IFITM10: variants seen among roughly 807,000 people sequenced by gnomAD.
IFITM10 encodes interferon-induced transmembrane protein 10.
A neutral mutation model predicts 19.0 loss-of-function variants in IFITM10; 17 were observed. The observed-to-expected ratio is 0.90, with a 90% CI of 0.61 to 1.34. IFITM10 has a LOEUF of 1.34. Among genes scored for constraint, IFITM10 ranks in the 40% most tolerant of loss-of-function variants. The pLI, the probability that IFITM10 is intolerant of heterozygous loss-of-function variation, is 0.00. For missense variants in IFITM10, 306 were observed against 319.8 expected, an observed-to-expected ratio of 0.96 and a Z score of 0.33; for synonymous variants, 148 against 147.2, an observed-to-expected ratio of 1.01 and a Z score of -0.04.
At chr11:1,748,203 C>G (rs539920406) in intron 1 of IFITM10, 84 bp from the exon 2 acceptor site, 1 of 1,032,210 alleles carries the variant, frequency 9.7e-7, no homozygotes, top group South Asian at 4.0e-5. Flanking sequence ...GAGAACAGCC[C>G]CAGTGGAGAC....
rs1014184496 is a variant in IFITM10, at chr11:1,734,557, A to C, written c.*723T>G. ...ATGCAGGCAGCTGAGGCTGTGCCCC[A>C]CCCCCTTCCGTCCCCCCAGGAGGCT... On this transcript the variant is annotated 3_prime_UTR_variant, in exon 3 of 3. Coordinates refer to ENST00000340134, the MANE Select transcript of IFITM10 (RefSeq NM_001170820.4). 3 of 150,676 alleles carry C rather than the reference A, an allele frequency of 2.0e-5. No individual in the cohort carries two copies. Among genetic ancestry groups the C allele is most frequent in the African/African-American group, 4.9e-5 (2 of 40,696 alleles). 9.3% of individuals were successfully genotyped at this position (150,676 alleles called of 1,614,324 possible). A position where few individuals can be genotyped will look rare whatever the true frequency, so the allele number is the denominator to read the frequency against.
In IFITM10 at chr11:1,747,847, G is replaced by A. The variant is rs1456232955; in HGVS notation, c.357C>T (p.Ala119=). The A allele has an allele frequency of 2.6e-6, 4 of 1,544,210 alleles. No individual in the cohort carries two copies. The highest frequency in any genetic ancestry group is 2.0e-5 in the Admixed American group (1 of 50,532). Residue 119 remains alanine, a synonymous_variant, in exon 2 of 3, where the codon GCC becomes GCT. Coordinates refer to ENST00000340134, the MANE Select transcript of IFITM10 (RefSeq NM_001170820.4). ...GGTGCTTGCAGGCAGGGGGCGCGCC[G>A]GCAGCCCGCACGCTGTCGGTCTTGC... ...KSSKTDSVRA[A]GAPPACKHLA...
At chr11:1,748,380 C>G (rs1047442881) in intron 1 of IFITM10, 98 of 396,296 alleles carry the variant, frequency 2.5e-4, no homozygotes, top group Non-Finnish European at 4.0e-4. Flanking sequence ...CCCACTGACA[C>G]ACACAACAGC....
In IFITM10 at chr11:1,747,875, C is replaced by T; in HGVS notation, c.329G>A (p.Ser110Asn). ...AGCCCGCACGCTGTCGGTCTTGCTG[C>T]TCTTGGACTCCATGGGGAACAGTGT... ...APTLFPMESK[S>N]SKTDSVRAAG... The change falls in exon 2 of 3, where the codon AGC (serine) becomes AAC (asparagine). Residue 110 changes from serine (S) to asparagine (N), a missense_variant. Physicochemically the swap from Ser to Asn is conservative, Grantham distance 46 (BLOSUM62 1). Transcript: ENST00000340134. The T allele has an allele frequency of 6.5e-7, 1 of 1,532,908 alleles. No individual in the cohort carries two copies. Among genetic ancestry groups the T allele is most frequent in the South Asian group, 1.2e-5 (1 of 80,356 alleles). 95.0% of individuals were successfully genotyped at this position (1,532,908 alleles called of 1,614,324 possible). A position where few individuals can be genotyped will look rare whatever the true frequency, so the allele number is the denominator to read the frequency against.
At chr11:1,750,214 G>A (rs962204089) in intron 1 of IFITM10, 145 bp downstream of exon 1, 7 of 1,427,198 alleles carry the variant, frequency 4.9e-6, no homozygotes, top group Middle Eastern at 1.9e-4. Context: ...TCACTCTCAC[G>A]GTATGCTTGA....
intron 1 of IFITM10, chr11:1,749,061 G>A: frequency 8.8e-7 from 1 of 1,141,940 alleles, no homozygotes; most frequent in South Asian, 1.7e-5. Flanking sequence ...GAGCCTCGGT[G>A]CGCGCGTCCT....
intron 2 of IFITM10, among the ~76,000 whole-genome samples, chr11:1,741,796 A>T (rs1398050980): frequency 1.3e-5 from 2 of 152,194 alleles, no homozygotes; most frequent in Non-Finnish European, 2.9e-5. Flanking sequence ...AAATTCCTGT[A>T]TGGAAATCCT....
chr11:1,744,479 G>A (rs1031901277), intron 2 of IFITM10: 1 of 152,922 alleles, frequency 6.5e-6, no homozygotes, highest in Non-Finnish European at 1.5e-5. Context: ...AGCTGACCGC[G>A]GGAGCCAGTG....
intron 2 of IFITM10, chr11:1,744,436 T>A (rs775630528): frequency 1.3e-5 from 2 of 152,698 alleles, no homozygotes; most frequent in Non-Finnish European, 2.9e-5. Context: ...AAAGGCAGCT[T>A]GGATGCTGAG....
intron 2 of IFITM10, among the ~76,000 whole-genome samples, chr11:1,740,066 C>T (rs1228032339): frequency 1.3e-5 from 2 of 152,052 alleles, no homozygotes; most frequent in East Asian, 1.9e-4. Flanking sequence ...CTTTGGGAGG[C>T]CAAGGCAGGC....
chr11:1,746,621 T>C lies in IFITM10; in HGVS notation c.537+1046A>G, dbSNP rs189926434. On this transcript the variant is annotated intron_variant, in intron 2 of 2. Coordinates refer to ENST00000340134, the MANE Select transcript of IFITM10 (RefSeq NM_001170820.4). The stretch of plus-strand genomic sequence containing the variant: ...AGGGGAACGCCGACCGCAGTTGCGA[T>C]GCCGGGCGGGGTGGGGCTCGAGCTC... 379 of 398,644 alleles carry C rather than the reference T, an allele frequency of 9.5e-4. 1 individual carries two copies. The highest frequency in any genetic ancestry group is 8.8e-3 in the Middle Eastern group (14 of 1,588). 24.7% of individuals were successfully genotyped at this position (398,644 alleles called of 1,614,324 possible). A position where few individuals can be genotyped will look rare whatever the true frequency, so the allele number is the denominator to read the frequency against.
At position 1,734,574 on chromosome 11, in the gene IFITM10, C is replaced by G. The variant is rs1374301194; in HGVS notation, c.*706G>C. On this transcript the variant is annotated 3_prime_UTR_variant, in exon 3 of 3. Coordinates refer to ENST00000340134, the MANE Select transcript of IFITM10 (RefSeq NM_001170820.4). The stretch of plus-strand genomic sequence containing the variant: ...TGTGCCCCACCCCCTTCCGTCCCCC[C>G]AGGAGGCTGCCTGACCCTCTAAGTG... 1 of 152,616 alleles carries G rather than the reference C, an allele frequency of 6.6e-6. No individual in the cohort carries two copies. The highest frequency in any genetic ancestry group is 1.5e-5 in the Non-Finnish European group (1 of 68,416). The allele number at this position is 152,616 out of a possible 1,614,324, so 9.5% of individuals were successfully genotyped here. A position where few individuals can be genotyped will look rare whatever the true frequency, so the allele number is the denominator to read the frequency against.
Position 1,735,297 on chromosome 11 carries a change from G to C in IFITM10, c.670C>G (p.Pro224Ala). Reference sequence around the variant, plus strand: ...GGCGGGCCTTAGTAGTCGGTGAGGGGGTACCGCAGGAAGATGAAGACGAGG... The same window carrying C: ...GGCGGGCCTTAGTAGTCGGTGAGGGCGTACCGCAGGAAGATGAAGACGAGG... ...IILVFIFLRY[P>A]LTDY The change falls in exon 3 of 3, where the codon CCC becomes GCC. Residue 224 changes from proline to alanine, a missense_variant. Pro to Ala is a conservative substitution (Grantham distance 27). Transcript: ENST00000340134. 6.4e-7 allele frequency: 1 copy of C among 1,551,716 alleles called. No homozygotes were observed. The highest frequency in any genetic ancestry group is 8.7e-7 in the Non-Finnish European group (1 of 1,146,972).
intron 2 of IFITM10, chr11:1,746,461 CAT>C (rs1214238768): frequency 5.0e-6 from 2 of 397,708 alleles, no homozygotes; most frequent in African/African-American, 4.1e-5. Context: ...TGAGTACACA[CAT>C]ACACTGACAC....
At position 1,750,395 on chromosome 11, in the gene IFITM10, CCCCCGGAAGCTGAGGATG is replaced by C. The variant is rs1845703345; in HGVS notation, c.30_47del (p.Cys10_Gly16delinsTrp). The C allele has an allele frequency of 6.5e-7, 1 of 1,550,384 alleles. No homozygotes were observed. Among genetic ancestry groups the C allele is most frequent in the South Asian group, 1.2e-5 (1 of 84,060 alleles). ...ACTGAGCCTCGACCCTCTCCAAAGT[CCCCCGGAAGCTGAGGATG>C]CATGGCGGCCCCCGTTTTCCCTCCC... is the stretch of plus-strand genomic sequence containing the variant. On this transcript the variant is annotated inframe_deletion, in exon 1 of 3. Transcript: ENST00000340134.
At chr11:1,746,269 T>C (rs1845648069) in intron 2 of IFITM10, 5 of 291,036 alleles carry the variant, frequency 1.7e-5, no homozygotes, top group South Asian at 1.7e-4. Flanking sequence ...CCCACGTAAT[T>C]ACACACATGC....
chr11:1,742,486 A>C (rs1160460679), intron 2 of IFITM10, among the ~76,000 whole-genome samples: 2 of 152,164 alleles, frequency 1.3e-5, no homozygotes, highest in African/African-American at 4.8e-5. Flanking sequence ...GGGTGAGCTG[A>C]GGCACGCTGA....
intron 2 of IFITM10, among the ~76,000 whole-genome samples, chr11:1,738,463 G>C (rs1851110247): frequency 1.3e-5 from 2 of 152,212 alleles, no homozygotes; most frequent in Admixed American, 1.3e-4. Context: ...CAGGTGCATA[G>C]ACGAACATAT....
chr11:1,742,756 G>C (rs894564950), intron 2 of IFITM10, among the ~76,000 whole-genome samples: 2 of 152,204 alleles, frequency 1.3e-5, no homozygotes, highest in African/African-American at 2.4e-5. Flanking sequence ...GCAGGGAGGG[G>C]AGCCTGAATG....
Sources: gnomAD v4.1 joint callset for allele counts (sites outside exome capture counted in the v4.1 genomes callset) on GRCh38, gnomAD v4.1.1 for gene constraint, MANE v1.5 for transcripts, NCBI Gene and HGNC (gene_info 2026-07-23, HGNC 2026-07-21) for gene names.